Variants in MGMT observed in about 807,000 individuals in gnomAD.
The protein encoded by MGMT is methylated-DNA--protein-cysteine methyltransferase.
MGMT carries 14 observed loss-of-function variants against 15.9 expected under a neutral mutation model. The observed-to-expected ratio is 0.88, with a 90% CI of 0.58 to 1.37. The LOEUF is 1.37. Among genes scored for constraint, MGMT ranks in the 40% most tolerant of loss-of-function variants. MGMT has a pLI of 0.00. For synonymous variants in MGMT, 130 were observed against 118.2 expected (o/e 1.10, Z -0.65); for missense variants, 282 against 268.1 (o/e 1.05, Z -0.36).
At chr10:129,741,854 G>A (rs558188652) in intron 3 of MGMT, among the ~76,000 whole-genome samples, 7 of 152,132 alleles carry the variant, frequency 4.6e-5, no homozygotes, top group Admixed American at 6.6e-5. Flanking sequence ...GCATTTGGGT[G>A]CCTGGGCCCA....
At chr10:129,690,001 T>C (rs1478257727) in intron 2 of MGMT, among the ~76,000 whole-genome samples, 1 of 152,176 alleles carries the variant, frequency 6.6e-6, no homozygotes, top group African/African-American at 2.4e-5. Context: ...AGGCCCTAGG[T>C]CTGTGAATGT....
At chr10:129,541,846 T>C (rs1239686840) in intron 2 of MGMT, among the ~76,000 whole-genome samples, 1 of 152,176 alleles carries the variant, frequency 6.6e-6, no homozygotes, top group African/African-American at 2.4e-5. Context: ...TAGGGATCCA[T>C]TTACAGGGTT....
intron 1 of MGMT, among the ~76,000 whole-genome samples, chr10:129,474,431 A>G (rs1324161412): frequency 1.3e-5 from 2 of 152,114 alleles, no homozygotes; most frequent in Non-Finnish European, 2.9e-5. Context: ...GTGAGGGACT[A>G]AGTTTAGAAT....
At position 129,566,975 on chromosome 10, in the gene MGMT, G is replaced by A. The variant is rs4751101; in HGVS notation, c.125+30598G>A. Among the ~76,000 whole-genome samples the A allele has an allele frequency of 2.0e-5, 3 of 152,086 alleles. No individual in the cohort carries two copies. The highest frequency in any genetic ancestry group is 7.2e-5 in the African/African-American group (3 of 41,388). On this transcript the variant is annotated intron_variant, in intron 2 of 4. Coordinates refer to ENST00000651593, the MANE Select transcript of MGMT (RefSeq NM_002412.5). This position sits in a 1 kb window ranked among gnomAD's most constrained non-coding sequence, Gnocchi z 4.1. Reference sequence around the variant, plus strand: ...CTCTCTTGGCGGGTGACACGTAACTGTTACAAATGGGTGCCTGTCCCTGTC... The same window carrying A: ...CTCTCTTGGCGGGTGACACGTAACTATTACAAATGGGTGCCTGTCCCTGTC...
intron 2 of MGMT, among the ~76,000 whole-genome samples, chr10:129,547,912 ACTTGTT>A (rs1333324923): frequency 6.6e-6 from 1 of 152,284 alleles, no homozygotes; most frequent in East Asian, 1.9e-4. Flanking sequence ...GGGAGGCAAT[ACTTGTT>A]CTTGTTCCCA....
At chr10:129,655,355 C>CT (rs1408548334) in intron 2 of MGMT, among the ~76,000 whole-genome samples, 2 of 152,228 alleles carry the variant, frequency 1.3e-5, no homozygotes, top group African/African-American at 4.8e-5. Flanking sequence ...GTTTATCTGT[C>CT]TTTAGACTCA....
intron 1 of MGMT, among the ~76,000 whole-genome samples, chr10:129,527,087 G>A (rs1460839435): frequency 1.3e-5 from 2 of 152,198 alleles, no homozygotes; most frequent in Admixed American, 6.5e-5. Context: ...CTTGTGCTTC[G>A]CCGGAGTGGG....
chr10:129,667,908 A>G (rs1300407310), intron 2 of MGMT, among the ~76,000 whole-genome samples: 2 of 152,188 alleles, frequency 1.3e-5, no homozygotes. Context: ...TTTTTAAAGT[A>G]TTTGTACAGG....
chr10:129,669,533 T>C (rs1847698024), intron 2 of MGMT, among the ~76,000 whole-genome samples: 1 of 152,228 alleles, frequency 6.6e-6, no homozygotes, highest in African/African-American at 2.4e-5. Flanking sequence ...TATAAAATTT[T>C]ATTAAATTCT....
chr10:129,489,665 T>C (rs1043073119), intron 1 of MGMT, among the ~76,000 whole-genome samples: 1 of 152,214 alleles, frequency 6.6e-6, no homozygotes, highest in Non-Finnish European at 1.5e-5. Flanking sequence ...ATAAGTTTTT[T>C]CATAAACAGC....
intron 2 of MGMT, among the ~76,000 whole-genome samples, chr10:129,646,754 A>ATATTTTTTTTT: frequency 4.6e-4 from 40 of 86,656 alleles, no homozygotes; most frequent in African/African-American, 2.8e-4. Context: ...ATATATATAT[A>ATATTTTTTTTT]TTTTCAGGGA....
intron 3 of MGMT, among the ~76,000 whole-genome samples, chr10:129,739,879 C>T (rs943605546): frequency 1.3e-5 from 2 of 151,908 alleles, no homozygotes; most frequent in South Asian, 4.2e-4. Context: ...AGATTAGACA[C>T]CCCTGCCCTA....
intron 2 of MGMT, among the ~76,000 whole-genome samples, chr10:129,550,303 A>T (rs1846141861): frequency 6.6e-6 from 1 of 150,568 alleles, no homozygotes; most frequent in South Asian, 2.1e-4. Context: ...CATGTTTCAC[A>T]GTGTTCCGCA....
intron 1 of MGMT, among the ~76,000 whole-genome samples, chr10:129,485,837 C>G (rs4751089): frequency 0.15 from 23,316 of 152,180 alleles, 1,898 homozygotes; most frequent in African/African-American, 0.2. Context: ...TGGGCTGTTA[C>G]CAGACTGAGA....
chr10:129,705,887 G>A (rs561203619), intron 2 of MGMT, among the ~76,000 whole-genome samples: 2 of 152,046 alleles, frequency 1.3e-5, no homozygotes, highest in Non-Finnish European at 1.5e-5. Flanking sequence ...AATCAGCACG[G>A]GGCCAGGGCA....
At chr10:129,725,506 G>C (rs1848422205) in intron 3 of MGMT, among the ~76,000 whole-genome samples, 1 of 152,250 alleles carries the variant, frequency 6.6e-6, no homozygotes, top group African/African-American at 2.4e-5. Context: ...CAAATTAATA[G>C]CGTTCCTGGA....
chr10:129,498,682 C>T (rs990174092), intron 1 of MGMT, among the ~76,000 whole-genome samples: 7 of 152,148 alleles, frequency 4.6e-5, no homozygotes, highest in Admixed American at 6.5e-5. Context: ...GTTTTTCTAG[C>T]GCTTTCCTAC....
intron 1 of MGMT, among the ~76,000 whole-genome samples, chr10:129,503,473 C>G (rs527633114): frequency 6.6e-6 from 1 of 152,060 alleles, no homozygotes; most frequent in African/African-American, 2.4e-5. Context: ...CTTGACTTGT[C>G]GATGAGAAGT....
chr10:129,509,275 C>T (rs189871918), intron 1 of MGMT, among the ~76,000 whole-genome samples: 3 of 152,120 alleles, frequency 2.0e-5, no homozygotes, highest in Non-Finnish European at 1.5e-5. Context: ...TTATTGCGTT[C>T]GCATAGAGCG....
Sources: allele counts gnomAD v4.1 joint callset (sites outside exome capture counted in the v4.1 genomes callset), GRCh38; gene constraint gnomAD v4.1.1; non-coding constraint Gnocchi (gnomAD v3.1); transcripts MANE v1.5; gene names NCBI Gene and HGNC (gene_info 2026-07-23, HGNC 2026-07-21).